GPATCH11: variants seen among roughly 807,000 people sequenced by gnomAD.
GPATCH11 encodes the protein G patch domain-containing protein 11.
Under a neutral mutation model 44.8 loss-of-function variants are expected in GPATCH11, and 32 were observed. That is an observed-to-expected ratio of 0.71 (90% CI 0.54 to 0.96). GPATCH11 has a LOEUF of 0.96. Among genes scored for constraint, GPATCH11 ranks in the 40% least tolerant of loss-of-function variants. The pLI, the probability that GPATCH11 is intolerant of heterozygous loss-of-function variation, is 0.00. For missense variants in GPATCH11, 324 were observed against 303.1 expected (o/e 1.07, Z -0.51); for synonymous variants, 84 against 94.4 (o/e 0.89, Z 0.64).
rs1673744936 is a variant in GPATCH11 at position 37,098,983 on chromosome 2, A to AAAAC, written c.*2722_*2725dup. On this transcript the variant is annotated 3_prime_UTR_variant, in exon 9 of 9. Coordinates refer to ENST00000674370, the MANE Select transcript of GPATCH11 (RefSeq NM_174931.4). ...GGCAATAATGAACACCAAGGGAAGCAAAACACTGAAAAGAATTTTAAAATT... is the reference window on the plus strand; with the variant it reads ...GGCAATAATGAACACCAAGGGAAGCAAAACAAACACTGAAAAGAATTTTAAAATT... 1 of 152,268 alleles carries AAAAC rather than the reference A, an allele frequency of 6.6e-6. No homozygotes were observed. The highest frequency in any genetic ancestry group is 2.4e-5 in the African/African-American group (1 of 41,480). 9.4% of individuals were successfully genotyped at this position (152,268 alleles called of 1,614,324 possible).
Position 37,098,804 on chromosome 2 carries a change from C to T in GPATCH11, c.*2541C>T, listed in dbSNP as rs1290099014. 2 of 152,086 alleles carry T rather than the reference C, an allele frequency of 1.3e-5. No individual in the cohort carries two copies. The highest frequency in any genetic ancestry group is 2.4e-5 in the African/African-American group (1 of 41,398). The allele number at this position is 152,086 out of a possible 1,614,324, so 9.4% of individuals were successfully genotyped here. ...GTGCATGCCTTTGGTCCCAGCTACT[C>T]AGGGGGCTGAGATGGGGAATCCTTT... On this transcript the variant is annotated 3_prime_UTR_variant, in exon 9 of 9. Transcript: ENST00000674370.
At chr2:37,087,367 G>A (rs1673099372) in intron 1 of GPATCH11, among the ~76,000 whole-genome samples, 1 of 152,194 alleles carries the variant, frequency 6.6e-6, no homozygotes, top group Non-Finnish European at 1.5e-5. Context: ...ATACACTTTT[G>A]TCTTAAGCAA....
rs1485229111 is a variant in GPATCH11 at position 37,095,440 on chromosome 2, C to T, written c.658C>T (p.Leu220=). ...DEYKSEDLSV[L]EKLQILTSYL... Reference sequence around the variant, plus strand: ...ATAATGTGCTTGTATCCTATAGGTACTGGAAAAATTACAAATATTGACTAG... The same window carrying T: ...ATAATGTGCTTGTATCCTATAGGTATTGGAAAAATTACAAATATTGACTAG... The change falls in exon 8 of 9, where the codon CTG becomes TTG. Residue 220 remains leucine (L), a synonymous_variant. Transcript: ENST00000674370. The T allele has an allele frequency of 6.2e-7, 1 of 1,603,278 alleles. No individual in the cohort carries two copies. Among genetic ancestry groups the T allele is most frequent in the East Asian group, 2.3e-5 (1 of 44,414 alleles).
chr2:37,095,502 T>C lies in GPATCH11; in HGVS notation c.720T>C (p.Cys240=), dbSNP rs777731299. The C allele has an allele frequency of 4.4e-6, 7 of 1,601,686 alleles. No individual in the cohort carries two copies. Among genetic ancestry groups the C allele is most frequent in the Non-Finnish European group, 6.0e-6 (7 of 1,175,678 alleles). ...LREEHLYCIW[C]GTAYEDKEDL... The stretch of plus-strand genomic sequence containing the variant: ...AAGAACATCTATATTGTATTTGGTG[T>C]GGAACAGCCTATGAAGGTAAGAAAA... Residue 240 remains cysteine, a synonymous_variant, in exon 8 of 9, where the codon TGT becomes TGC. Transcript: ENST00000674370.
chr2:37,097,614 TAG>T lies in GPATCH11; in HGVS notation c.*1352_*1353del, dbSNP rs2148653072. On this transcript the variant is annotated 3_prime_UTR_variant, in exon 9 of 9. Transcript: ENST00000674370. ...CTGTGTGATTTTATAGCTCACCTGT[TAG>T]TTAGATTGAGCAAGAGAACAACCCC... The T allele has an allele frequency of 6.6e-6, 1 of 152,352 alleles. No homozygotes were observed. The highest frequency in any genetic ancestry group is 2.4e-5 in the African/African-American group (1 of 41,594). The allele number at this position is 152,352 out of a possible 1,614,324, so 9.4% of individuals were successfully genotyped here.
At chr2:37,094,680 A>G (rs1673488582) in intron 7 of GPATCH11, among the ~76,000 whole-genome samples, 1 of 152,186 alleles carries the variant, frequency 6.6e-6, no homozygotes, top group African/African-American at 2.4e-5. Context: ...GGTGGCTCAC[A>G]CCTGTAATCC....
rs1354834584 is a variant in GPATCH11, at chr2:37,094,181, A to C, written c.640A>C (p.Ser214Arg). The change falls in exon 7 of 9, where the codon AGT becomes CGT. Residue 214 changes from serine (S) to arginine (R), a missense_variant. Coordinates refer to ENST00000674370, the MANE Select transcript of GPATCH11 (RefSeq NM_174931.4). ...EKEQDEDEYKSEDLSVLEKLQ... is the reference protein window; with the variant it reads ...EKEQDEDEYKREDLSVLEKLQ... ...AGAACAGGATGAAGATGAATATAAG[A>C]GTGAAGATTTAAGCGTATGCTTTGC... 6.4e-7 allele frequency: 1 copy of C among 1,551,830 alleles called. No individual in the cohort carries two copies. The highest frequency in any genetic ancestry group is 1.4e-5 in the African/African-American group (1 of 73,390).
In GPATCH11 at chr2:37,097,434, G is replaced by A. The variant is rs1222158524; in HGVS notation, c.*1171G>A. ...TTCATATGCTCAGGTGTCTCTCCTA[G>A]TGATTGATTTTGATTTGTCTTGGCT... On this transcript the variant is annotated 3_prime_UTR_variant, in exon 9 of 9. Transcript: ENST00000674370. 3 of 152,196 alleles carry A rather than the reference G, an allele frequency of 2.0e-5. No individual in the cohort carries two copies. Among genetic ancestry groups the A allele is most frequent in the Admixed American group, 6.5e-5 (1 of 15,274 alleles). The allele number at this position is 152,196 out of a possible 1,614,324, so 9.4% of individuals were successfully genotyped here.
chr2:37,092,117 G>C (rs753379041), intron 5 of GPATCH11, 48 bp from the exon 6 acceptor site: 18 of 1,564,902 alleles, frequency 1.2e-5, no homozygotes, highest in Non-Finnish European at 1.5e-5. Context: ...ATATAAAATG[G>C]TTAAAGATAA....
chr2:37,091,983 A>G lies in GPATCH11; in HGVS notation c.396A>G (p.Arg132=). The change falls in exon 5 of 9, where the codon AGA becomes AGG. Residue 132 remains arginine (R), a synonymous_variant. Coordinates refer to ENST00000674370, the MANE Select transcript of GPATCH11 (RefSeq NM_174931.4). ...CAGAGGAAAAATTGGAAAGCTACAG[A>G]AAAAAGATTCACATGAAAAACCAAG... ...RKAEEKLESY[R]KKIHMKNQAE... is the part of the protein sequence containing the mutation. 8 of 1,613,316 alleles carry G rather than the reference A, an allele frequency of 5.0e-6. No individual in the cohort carries two copies. The highest frequency in any genetic ancestry group is 6.8e-6 in the Non-Finnish European group (8 of 1,179,412).
At chr2:37,088,984 T>TA (rs1442351390) in intron 2 of GPATCH11, among the ~76,000 whole-genome samples, 1 of 152,250 alleles carries the variant, frequency 6.6e-6, no homozygotes, top group Admixed American at 6.5e-5. Context: ...CAAGGAAATT[T>TA]ACTCCTTTTC....
At position 37,092,169 on chromosome 2, in the gene GPATCH11, C is replaced by T. The variant is rs574837250; in HGVS notation, c.454C>T (p.Arg152Ter). Reference protein sequence around the residue: ...EEKAAEQFRMRLKNKQDEMKL... With the variant: ...EEKAAEQFRM Reference sequence around the variant, plus strand: ...ACAATTTTTTCTTTCAATTAGAATGCGACTTAAAAATAAGCAAGATGAAAT... The same window carrying T: ...ACAATTTTTTCTTTCAATTAGAATGTGACTTAAAAATAAGCAAGATGAAAT... The change falls in exon 6 of 9, where the codon CGA becomes TGA. Residue 152 changes from arginine (R) to a stop codon, truncating the protein, a stop_gained. Transcript: ENST00000674370. LOFTEE classifies it high-confidence loss of function. 5.2e-6 allele frequency: 8 copies of T among 1,545,326 alleles called. No individual in the cohort carries two copies. The highest frequency in any genetic ancestry group is 4.2e-5 in the Admixed American group (2 of 47,196).
intron 1 of GPATCH11, 113 bp downstream of exon 1, chr2:37,084,683 G>A: frequency 2.3e-6 from 2 of 882,302 alleles, no homozygotes; most frequent in Non-Finnish European, 3.0e-6. Context: ...ATCCGTGGGT[G>A]GTTGCGTCTG....
Position 37,098,848 on chromosome 2 carries a change from C to G in GPATCH11, c.*2585C>G, listed in dbSNP as rs1257327388. Reference sequence around the variant, plus strand: ...ATCCTTTGAGCCCAGAAGTTTGAAACCAGCCTGGGCAACATAGTGAGAGAC... The same window carrying G: ...ATCCTTTGAGCCCAGAAGTTTGAAAGCAGCCTGGGCAACATAGTGAGAGAC... On this transcript the variant is annotated 3_prime_UTR_variant, in exon 9 of 9. Coordinates refer to ENST00000674370, the MANE Select transcript of GPATCH11 (RefSeq NM_174931.4). The G allele has an allele frequency of 6.6e-6, 1 of 152,108 alleles. No homozygotes were observed. Among genetic ancestry groups the G allele is most frequent in the Non-Finnish European group, 1.5e-5 (1 of 68,036 alleles). The allele number at this position is 152,108 out of a possible 1,614,324, so 9.4% of individuals were successfully genotyped here. A position where few individuals can be genotyped will look rare whatever the true frequency, so the allele number is the denominator to read the frequency against.
At position 37,096,727 on chromosome 2, in the gene GPATCH11, C is replaced by G. The variant is rs1450502994; in HGVS notation, c.*464C>G. Reference sequence around the variant, plus strand: ...GGTCTCTGCCTTGTTGGGGCAGAGCCCATCTTTGCATTCTGAGACCAGTTA... The same window carrying G: ...GGTCTCTGCCTTGTTGGGGCAGAGCGCATCTTTGCATTCTGAGACCAGTTA... On this transcript the variant is annotated 3_prime_UTR_variant, in exon 9 of 9. Transcript: ENST00000674370. 1 of 158,346 alleles carries G rather than the reference C, an allele frequency of 6.3e-6. No individual in the cohort carries two copies. The highest frequency in any genetic ancestry group is 2.4e-5 in the African/African-American group (1 of 41,460). The allele number at this position is 158,346 out of a possible 1,614,324, so 9.8% of individuals were successfully genotyped here.
rs754849285 is a variant in GPATCH11, at chr2:37,095,485, C to T, written c.703C>T (p.Leu235=). Residue 235 remains leucine, a synonymous_variant, in exon 8 of 9, where the codon CTA becomes TTA. Transcript: ENST00000674370. The part of the protein sequence containing the change: ...ILTSYLREEH[L]YCIWCGTAYE... ...GACTAGTTATTTAAGAGAAGAACAT[C>T]TATATTGTATTTGGTGTGGAACAGC... is the stretch of plus-strand genomic sequence containing the variant. 6.2e-7 allele frequency: 1 copy of T among 1,604,964 alleles called. No individual in the cohort carries two copies. Among genetic ancestry groups the T allele is most frequent in the Non-Finnish European group, 8.5e-7 (1 of 1,176,362 alleles).
At chr2:37,085,489 A>G (rs1487151763) in intron 1 of GPATCH11, among the ~76,000 whole-genome samples, 2 of 152,250 alleles carry the variant, frequency 1.3e-5, no homozygotes, top group East Asian at 3.8e-4. Context: ...TGCTGTATAT[A>G]ATAGTGCACG....
At position 37,098,553 on chromosome 2, in the gene GPATCH11, C is replaced by A. The variant is rs1365464021; in HGVS notation, c.*2290C>A. On this transcript the variant is annotated 3_prime_UTR_variant, in exon 9 of 9. Coordinates refer to ENST00000674370, the MANE Select transcript of GPATCH11 (RefSeq NM_174931.4). ...GAACTGGCTTCCCTTTCTCCTGTTA[C>A]TATGAGGACAACCCACACCTGCTCA... 1 of 152,064 alleles carries A rather than the reference C, an allele frequency of 6.6e-6. No homozygotes were observed. Among genetic ancestry groups the A allele is most frequent in the Non-Finnish European group, 1.5e-5 (1 of 68,024 alleles). 9.4% of individuals were successfully genotyped at this position (152,064 alleles called of 1,614,324 possible).
chr2:37,095,549 T>C, intron 8 of GPATCH11, 31 bp downstream of exon 8: 1 of 1,544,988 alleles, frequency 6.5e-7, no homozygotes, highest in Non-Finnish European at 8.7e-7. Flanking sequence ...TTTTTAAAAA[T>C]AGATGAATGC....
Sources: allele counts gnomAD v4.1 joint callset (sites outside exome capture counted in the v4.1 genomes callset), GRCh38; gene constraint gnomAD v4.1.1; transcripts MANE v1.5; gene names NCBI Gene and HGNC (gene_info 2026-07-23, HGNC 2026-07-21).